LRRFIP1: variants seen among roughly 807,000 people sequenced by gnomAD.
LRRFIP1 encodes the protein leucine-rich repeat flightless-interacting protein 1.
A neutral mutation model predicts 104.4 loss-of-function variants in LRRFIP1; 62 were observed. The ratio of observed to expected loss-of-function variants is 0.59; its 90% CI spans 0.48 to 0.73. The LOEUF is 0.73. Ranked by LOEUF, LRRFIP1 falls within the 30% of genes least tolerant of loss-of-function variation. LRRFIP1 has a pLI of 0.00. For missense variants in LRRFIP1, 796 were observed against 824.5 expected (o/e 0.97, Z 0.42); for synonymous variants, 300 against 299.0 (o/e 1.00, Z -0.03).
intron 1 of LRRFIP1, among the ~76,000 whole-genome samples, chr2:237,674,696 A>G (rs1276995948): frequency 2.0e-5 from 3 of 152,238 alleles, no homozygotes; most frequent in Non-Finnish European, 2.9e-5. Context: ...ATAAAAGGGT[A>G]GCATTACCTT....
chr2:237,659,640 C>A (rs1025429600), intron 1 of LRRFIP1, among the ~76,000 whole-genome samples: 1 of 147,458 alleles, frequency 6.8e-6, no homozygotes, highest in African/African-American at 2.5e-5. Flanking sequence ...TTTTTATATA[C>A]ATATAAATAT....
Position 237,735,945 on chromosome 2 carries a change from A to G in LRRFIP1, c.555+612A>G, listed in dbSNP as rs1304141542. Among the ~76,000 whole-genome samples, 1 of 152,250 alleles carries G rather than the reference A, an allele frequency of 6.6e-6. No homozygotes were observed. The highest frequency in any genetic ancestry group is 2.4e-5 in the African/African-American group (1 of 41,472). On this transcript the variant is annotated intron_variant, in intron 10 of 23. Coordinates refer to ENST00000308482, the MANE Select transcript of LRRFIP1 (RefSeq NM_001137550.2). The surrounding 1 kb of genome is among the most constrained non-coding windows in gnomAD (Gnocchi z 4.6). Reference sequence around the variant, plus strand: ...AGGGACCTGTGGAAACGGAGCGTTCAGTGCTAACCGGTGCTCCCTGGCGGT... The same window carrying G: ...AGGGACCTGTGGAAACGGAGCGTTCGGTGCTAACCGGTGCTCCCTGGCGGT...
chr2:237,738,442 A>G (rs13420502), intron 10 of LRRFIP1, among the ~76,000 whole-genome samples: 1 of 152,148 alleles, frequency 6.6e-6, no homozygotes, highest in Non-Finnish European at 1.5e-5. Context: ...GAGGCTTGCT[A>G]TATGGTGCTG....
chr2:237,763,329 A>G (rs2060053281), intron 19 of LRRFIP1: 1 of 1,614,050 alleles, frequency 6.2e-7, no homozygotes, highest in African/African-American at 1.3e-5. Flanking sequence ...AGTACAGTAG[A>G]CACTCAAAAT....
chr2:237,754,079 A>G (rs1488825264), intron 15 of LRRFIP1, among the ~76,000 whole-genome samples: 4 of 152,288 alleles, frequency 2.6e-5, no homozygotes, highest in Admixed American at 1.3e-4. Context: ...AAGCAAAACC[A>G]TGAAAAAACA....
chr2:237,718,785 G>A (rs73100810), intron 4 of LRRFIP1, among the ~76,000 whole-genome samples: 7,141 of 152,238 alleles, frequency 0.047, 519 homozygotes, highest in African/African-American at 0.16. Flanking sequence ...TCGCTCTTCA[G>A]ATATACAGAG....
chr2:237,701,977 C>G (rs2093560095), intron 1 of LRRFIP1, among the ~76,000 whole-genome samples: 1 of 152,186 alleles, frequency 6.6e-6, no homozygotes, highest in East Asian at 1.9e-4. Context: ...CCTATCTCCC[C>G]AGCTGGCCTG....
intron 20 of LRRFIP1, among the ~76,000 whole-genome samples, chr2:237,771,551 T>TCCCCCCCCCCCCCCCCCCC (rs772060776): frequency 6.0e-5 from 3 of 50,010 alleles, no homozygotes; most frequent in Admixed American, 3.6e-4. Context: ...CTGGAACCAA[T>TCCCCCCCCCCCCCCCCCCC]CCCCCCCCCC....
chr2:237,719,714 A>G, intron 5 of LRRFIP1, 147 bp downstream of exon 5: 1 of 551,780 alleles, frequency 1.8e-6, no homozygotes. Flanking sequence ...ATGATAGAAT[A>G]CTGATATTAT....
intron 1 of LRRFIP1, among the ~76,000 whole-genome samples, chr2:237,680,500 G>T (rs2091691347): frequency 6.6e-6 from 1 of 152,186 alleles, no homozygotes; most frequent in Non-Finnish European, 1.5e-5. Flanking sequence ...AAGTACACAG[G>T]AGGATATGCA....
chr2:237,659,044 T>G (rs756917307), intron 1 of LRRFIP1, among the ~76,000 whole-genome samples: 1 of 152,068 alleles, frequency 6.6e-6, no homozygotes, highest in African/African-American at 2.4e-5. Context: ...TTCTATACAG[T>G]AAAAGGGGCA....
intron 1 of LRRFIP1, among the ~76,000 whole-genome samples, chr2:237,638,389 AG>A (rs2083400113): frequency 6.6e-6 from 1 of 152,168 alleles, no homozygotes; most frequent in South Asian, 2.1e-4. Context: ...AGTGATAGGG[AG>A]TGGCTGTAAA....
chr2:237,697,620 C>T (rs1345966297), intron 1 of LRRFIP1, among the ~76,000 whole-genome samples: 1 of 152,128 alleles, frequency 6.6e-6, no homozygotes, highest in East Asian at 1.9e-4. Flanking sequence ...TGTGTGCTGC[C>T]CTGGTGCTGG....
intron 16 of LRRFIP1, 30 bp downstream of exon 16, chr2:237,756,217 C>CT (rs766711781): frequency 1.9e-6 from 3 of 1,555,872 alleles, no homozygotes; most frequent in Non-Finnish European, 2.7e-6. Flanking sequence ...TTTTCTTTTC[C>CT]TTTTTTCCCT....
intron 7 of LRRFIP1, 74 bp from the exon 8 acceptor site, chr2:237,727,802 G>T: frequency 9.2e-7 from 1 of 1,084,130 alleles, no homozygotes; most frequent in Non-Finnish European, 1.4e-6. Flanking sequence ...CTGGCTGGTT[G>T]GTCCCTGCTG....
At chr2:237,692,444 G>C (rs888517909) in intron 1 of LRRFIP1, 1 of 1,515,128 alleles carries the variant, frequency 6.6e-7, no homozygotes, top group South Asian at 1.2e-5. Context: ...GGAGCGGGCC[G>C]AGCCCGGCAG....
intron 2 of LRRFIP1, among the ~76,000 whole-genome samples, chr2:237,710,905 T>TA (rs1321037331): frequency 6.6e-6 from 1 of 151,608 alleles, no homozygotes; most frequent in African/African-American, 2.4e-5. Flanking sequence ...AAAAGAAAAA[T>TA]AAAAAATAAG....
In LRRFIP1 at chr2:237,717,691, C is replaced by T. The variant is rs1231239610; in HGVS notation, c.202-71C>T. The T allele has an allele frequency of 3.5e-6, 4 of 1,151,410 alleles. No homozygotes were observed. In the African/African-American group the frequency reaches 4.6e-5, roughly 13 times the overall value. 71.3% of individuals were successfully genotyped at this position (1,151,410 alleles called of 1,614,324 possible). A position where few individuals can be genotyped will look rare whatever the true frequency, so the allele number is the denominator to read the frequency against. On this transcript the variant is annotated intron_variant, in intron 3 of 23. Coordinates refer to ENST00000308482, the MANE Select transcript of LRRFIP1 (RefSeq NM_001137550.2). The surrounding 1 kb of genome is among the most constrained non-coding windows in gnomAD (Gnocchi z 4.2). ...GGCGGTTTGGAAATGCATGTCAGAA[C>T]AGTGCCTTAGACAACTGCCTTTTTA...
At chr2:237,687,647 A>C (rs1290279801) in intron 1 of LRRFIP1, among the ~76,000 whole-genome samples, 1 of 152,054 alleles carries the variant, frequency 6.6e-6, no homozygotes, top group African/African-American at 2.4e-5. Context: ...ATAAAGCAAT[A>C]ACATGAATGT....
Sources: allele counts gnomAD v4.1 joint callset (sites outside exome capture counted in the v4.1 genomes callset), GRCh38; gene constraint gnomAD v4.1.1; non-coding constraint Gnocchi (gnomAD v3.1); transcripts MANE v1.5; gene names NCBI Gene and HGNC (gene_info 2026-07-23, HGNC 2026-07-21).